The following SLCO1A2 variants were observed in gnomAD, a reference collection of about 807,000 sequenced individuals.
The protein encoded by SLCO1A2 is OATP-1.
SLCO1A2 carries 67 observed loss-of-function variants against 69.0 expected under a neutral mutation model. The ratio of observed to expected loss-of-function variants is 0.97; its 90% CI spans 0.80 to 1.19. The LOEUF is 1.19. SLCO1A2 is among the 50% of genes most tolerant of loss of function. The probability of loss-of-function intolerance (pLI) is 0.00; values close to 1 mark genes in which losing one functional copy is unlikely to be tolerated. For missense variants in SLCO1A2, 787 were observed against 793.7 expected (o/e 0.99, Z 0.10); for synonymous variants, 260 against 265.9 (o/e 0.98, Z 0.22).
chr12:21,345,139 T>C (rs553310783), intron 2 of SLCO1A2, among the ~76,000 whole-genome samples: 11 of 152,130 alleles, frequency 7.2e-5, no homozygotes, highest in African/African-American at 2.2e-4. Context: ...TTGATCTCTT[T>C]TTGTTTCCTG....
At chr12:21,347,667 AGAAAGG>A (rs953530281) in intron 2 of SLCO1A2, among the ~76,000 whole-genome samples, 15 of 135,274 alleles carry the variant, frequency 1.1e-4, no homozygotes, top group African/African-American at 4.6e-4. Context: ...GAAGAAAGAA[AGAAAGG>A]AAGGAAGGAA....
chr12:21,351,547 G>T (rs1008244101), intron 2 of SLCO1A2, among the ~76,000 whole-genome samples: 1 of 152,052 alleles, frequency 6.6e-6, no homozygotes, highest in Non-Finnish European at 1.5e-5. Flanking sequence ...AGGCCAAGGC[G>T]GGTGGATCAC....
chr12:21,310,503 C>T (rs1253090624), intron 4 of SLCO1A2, among the ~76,000 whole-genome samples: 2 of 152,202 alleles, frequency 1.3e-5, no homozygotes, highest in Non-Finnish European at 2.9e-5. Flanking sequence ...GTTGTGGGGG[C>T]TGTGGAAATT....
intron 2 of SLCO1A2, among the ~76,000 whole-genome samples, chr12:21,323,514 T>C (rs1260304917): frequency 2.0e-5 from 3 of 152,076 alleles, no homozygotes; most frequent in Non-Finnish European, 2.9e-5. Context: ...GCAGTAAGCC[T>C]TGATGGCACC....
At chr12:21,418,406 T>C (rs1211363745), upstream of SLCO1A2, among the ~76,000 whole-genome samples, 6 of 152,176 alleles carry the variant, frequency 3.9e-5, 1 homozygote, top group Non-Finnish European at 8.8e-5. Context: ...GTCATTGTAT[T>C]AGTTCATTTT....
intron 2 of SLCO1A2, among the ~76,000 whole-genome samples, chr12:21,367,838 T>G (rs1430554076): frequency 6.6e-6 from 1 of 151,880 alleles, no homozygotes; most frequent in East Asian, 1.9e-4. Context: ...AAAATACATA[T>G]AAAGTATATT....
In SLCO1A2 at chr12:21,358,035, C is replaced by G. The variant is rs1477319411; in HGVS notation, c.-63+16364G>C. 1.5e-4 allele frequency among the ~76,000 whole-genome samples: 23 copies of G among 152,078 alleles called. 1 individual carries two copies. The highest frequency in any genetic ancestry group is 1.5e-3 in the Admixed American group (23 of 15,274). On this transcript the variant is annotated intron_variant, in intron 2 of 15. Coordinates refer to the SLCO1A2 transcript ENST00000307378. ...GTGGGGCAGGGTGGAGTGAGTTGGT[C>G]TCCTGTCTCTTTTCAAAACTTTACT... is the stretch of plus-strand genomic sequence containing the variant.
At chr12:21,365,383 T>G (rs1286203332) in intron 2 of SLCO1A2, among the ~76,000 whole-genome samples, 3 of 152,154 alleles carry the variant, frequency 2.0e-5, no homozygotes, top group East Asian at 1.9e-4. Context: ...TTACACCTTA[T>G]ACAAAAATCA....
intron 1 of SLCO1A2, among the ~76,000 whole-genome samples, chr12:21,375,185 TATA>T (rs906121941): frequency 3.3e-5 from 5 of 152,316 alleles, no homozygotes; most frequent in Non-Finnish European, 5.9e-5. Context: ...CAATATGTAA[TATA>T]ATATTACTTG....
chr12:21,393,254 G>C (rs895654171), intron 1 of SLCO1A2, among the ~76,000 whole-genome samples: 18 of 152,076 alleles, frequency 1.2e-4, no homozygotes, highest in African/African-American at 4.1e-4. Flanking sequence ...CTAGCAATAA[G>C]TAGAACACAG....
intron 4 of SLCO1A2, among the ~76,000 whole-genome samples, chr12:21,312,146 A>G (rs145667214): frequency 0.043 from 6,561 of 152,284 alleles, 201 homozygotes; most frequent in Non-Finnish European, 0.06. Context: ...TATTTAGTGT[A>G]GCCACCTTCA....
Position 21,366,849 on chromosome 12 carries a change from T to C in SLCO1A2, c.-63+7550A>G, listed in dbSNP as rs150932648. Among the ~76,000 whole-genome samples the C allele has an allele frequency of 5.3e-3, 808 of 151,850 alleles. 8 individuals are homozygous for C. Among genetic ancestry groups the C allele is most frequent in the African/African-American group, 0.019 (778 of 41,474 alleles). On this transcript the variant is annotated intron_variant, in intron 2 of 15. Transcript: ENST00000307378. ...CATAGAAGTTAAATAATTAAAGAGA[T>C]TAAAAATAGTGAAAATATATATAAA... is the stretch of plus-strand genomic sequence containing the variant.
upstream of SLCO1A2, among the ~76,000 whole-genome samples, chr12:21,335,613 C>G (rs1952856577): frequency 2.0e-5 from 3 of 151,952 alleles, no homozygotes; most frequent in Admixed American, 1.3e-4. Context: ...TTAACAGTAT[C>G]CCCAGCATTA....
rs566166800 is a variant in SLCO1A2 at position 21,291,215 on chromosome 12, A to C, written c.1610+949T>G. On this transcript the variant is annotated intron_variant, in intron 12 of 14. Coordinates refer to ENST00000683939, the MANE Select transcript of SLCO1A2 (RefSeq NM_001386879.1). ...AAATTACTCTAAATAGGACTGGTGA[A>C]TTTATCTATGCATCTACCTTATGAA... 2.1e-4 allele frequency among the ~76,000 whole-genome samples: 32 copies of C among 152,206 alleles called. 1 individual carries two copies. Among genetic ancestry groups the C allele is most frequent in the African/African-American group, 7.0e-4 (29 of 41,556 alleles).
intron 1 of SLCO1A2, among the ~76,000 whole-genome samples, chr12:21,393,911 A>G (rs1941287771): frequency 6.6e-6 from 1 of 152,252 alleles, no homozygotes; most frequent in African/African-American, 2.4e-5. Context: ...ACCAAGCGAC[A>G]TTACTGTAGT....
chr12:21,332,546 A>G (rs189750239), intron 2 of SLCO1A2, among the ~76,000 whole-genome samples: 1 of 152,114 alleles, frequency 6.6e-6, no homozygotes, highest in Non-Finnish European at 1.5e-5. Flanking sequence ...TCCTTCCCAT[A>G]ACAGCCTAAA....
chr12:21,269,564 A>G lies in SLCO1A2; in HGVS notation c.1997T>C (p.Leu666Ser). The change falls in exon 15 of 15, where the codon TTG (leucine) becomes TCG (serine). Residue 666 changes from leucine (L) to serine (S), a missense_variant. Physicochemically the swap from Leu to Ser is moderately radical, Grantham distance 145. Transcript: ENST00000683939. ...QKSTVLKDDELKTKL is the reference protein window; with the variant it reads ...QKSTVLKDDESKTKL ...ATAGGACAATTACAATTTAGTTTTC[A>G]ATTCATCATCTTTCAAAACCGTGGA... 1 of 1,610,302 alleles carries G rather than the reference A, an allele frequency of 6.2e-7. No homozygotes were observed. Among genetic ancestry groups the G allele is most frequent in the South Asian group, 1.1e-5 (1 of 90,794 alleles).
Position 21,310,066 on chromosome 12 carries a change from AATG to A in SLCO1A2, c.336-3081_336-3079del, listed in dbSNP as rs375716645. Among the ~76,000 whole-genome samples the A allele has an allele frequency of 1.2e-4, 18 of 152,354 alleles. No individual in the cohort carries two copies. In the South Asian group the frequency reaches 1.7e-3, roughly 14 times the overall value. On this transcript the variant is annotated intron_variant, in intron 4 of 14. Transcript: ENST00000683939. ...AAAATAAAAAGTTATATAAGTAAAG[AATG>A]ATAAGCGCATGGTTCAGTGGTAAAA...
upstream of SLCO1A2, among the ~76,000 whole-genome samples, chr12:21,336,963 A>G (rs974852408): frequency 6.6e-6 from 1 of 152,176 alleles, no homozygotes; most frequent in African/African-American, 2.4e-5. Context: ...TCAGCATTCA[A>G]ATGGGAACAG....
Sources: gnomAD v4.1 joint callset for allele counts (sites outside exome capture counted in the v4.1 genomes callset) on GRCh38, gnomAD v4.1.1 for gene constraint, MANE v1.5 for transcripts, NCBI Gene and HGNC (gene_info 2026-07-23, HGNC 2026-07-21) for gene names.